Variants in GLUL observed in about 807,000 individuals in gnomAD.
GLUL encodes the protein glutamine synthetase.
In GLUL, 8 loss-of-function variants were observed where a neutral mutation model predicts 36.9. The ratio of observed to expected loss-of-function variants is 0.22; its 90% CI spans 0.13 to 0.39. The LOEUF (loss-of-function observed/expected upper bound fraction) is 0.39. GLUL is among the 10% of genes least tolerant of loss of function. GLUL has a pLI of 1.00. For missense variants in GLUL, 315 were observed against 501.8 expected, an observed-to-expected ratio of 0.63 and a Z score of 3.56; for synonymous variants, 182 against 172.8, an observed-to-expected ratio of 1.05 and a Z score of -0.42.
rs1330641052 is a variant in GLUL at position 182,383,882 on chromosome 1, T to A, written c.*523A>T. ...GGCATTTAGTCCCAAGCCAGGCTAG[T>A]CCCACAAGCAAGAGACCAAAGCCAT... On this transcript the variant is annotated 3_prime_UTR_variant, in exon 7 of 7. Coordinates refer to ENST00000331872, the MANE Select transcript of GLUL (RefSeq NM_001033044.4). 7 of 176,406 alleles carry A rather than the reference T, an allele frequency of 4.0e-5. No individual in the cohort carries two copies. The highest frequency in any genetic ancestry group is 6.2e-5 in the Non-Finnish European group (5 of 81,066). The allele number at this position is 176,406 out of a possible 1,614,324, so 10.9% of individuals were successfully genotyped here.
In GLUL at chr1:182,380,083, G is replaced by A. The variant is rs1015528406; in HGVS notation, c.*4322C>T. Among the ~76,000 whole-genome samples, 32 of 149,558 alleles carry A rather than the reference G, an allele frequency of 2.1e-4. No individual in the cohort carries two copies. Among genetic ancestry groups the A allele is most frequent in the African/African-American group, 7.9e-4 (32 of 40,538 alleles). ...GGCTGGTCTCAAACTCCCGATCTCAGGTGATCCACCTGCCTCGGCCTCTCA... is the reference window on the plus strand; with the variant it reads ...GGCTGGTCTCAAACTCCCGATCTCAAGTGATCCACCTGCCTCGGCCTCTCA... On this transcript the variant is annotated 3_prime_UTR_variant, in exon 7 of 7. Transcript: ENST00000331872.
rs776409797 is a variant in GLUL at position 182,385,560 on chromosome 1, G to C, written c.604-4C>G. ...AAGGTCCAATCTGAAATTCCCACTA[G>C]AAACGAGAAGCTTGGCCATTAAAAC... On this transcript the variant is annotated splice_polypyrimidine_tract_variant and splice_region_variant and intron_variant, in intron 5 of 6. Transcript: ENST00000331872. 1.2e-6 allele frequency: 2 copies of C among 1,613,420 alleles called. No individual in the cohort carries two copies. The highest frequency in any genetic ancestry group is 2.7e-5 in the African/African-American group (2 of 74,910).
intron 6 of GLUL, 67 bp from the exon 7 acceptor site, chr1:182,384,790 C>T: frequency 8.9e-7 from 1 of 1,126,940 alleles, no homozygotes; most frequent in Non-Finnish European, 1.4e-6. Flanking sequence ...ATGAAGTGCA[C>T]CAAAATATGA....
intron 1 of GLUL, chr1:182,390,945 C>G: frequency 5.0e-6 from 2 of 398,254 alleles, no homozygotes; most frequent in Non-Finnish European, 8.8e-6. Flanking sequence ...CCCCTCGGGC[C>G]CCCGTCCGAA....
At position 182,383,298 on chromosome 1, in the gene GLUL, T is replaced by G. The variant is rs1650017604; in HGVS notation, c.*1107A>C. 6.6e-6 allele frequency: 1 copy of G among 152,212 alleles called. No individual in the cohort carries two copies. The highest frequency in any genetic ancestry group is 2.4e-5 in the African/African-American group (1 of 41,446). The allele number at this position is 152,212 out of a possible 1,614,324, so 9.4% of individuals were successfully genotyped here. Reference sequence around the variant, plus strand: ...AAAATCTAAACTTCTATAATTTTGCTTTTTAAAAAATTTAATATCAAAAGG... The same window carrying G: ...AAAATCTAAACTTCTATAATTTTGCGTTTTAAAAAATTTAATATCAAAAGG... On this transcript the variant is annotated 3_prime_UTR_variant, in exon 7 of 7. Coordinates refer to ENST00000331872, the MANE Select transcript of GLUL (RefSeq NM_001033044.4).
chr1:182,389,672 T>C (rs1166097589), intron 1 of GLUL: 1 of 152,158 alleles, frequency 6.6e-6, no homozygotes, highest in Non-Finnish European at 1.5e-5. Context: ...AGAGAAACTC[T>C]CAAGCCACAA....
intron 6 of GLUL, 98 bp downstream of exon 6, chr1:182,385,259 G>T: frequency 1.1e-6 from 1 of 934,938 alleles, no homozygotes; most frequent in South Asian, 1.3e-5. Context: ...ATATTTGCAA[G>T]TCATCCTGCA....
At chr1:182,386,151 T>C (rs894699296) in intron 4 of GLUL, 105 bp downstream of exon 4, 3 of 1,165,088 alleles carry the variant, frequency 2.6e-6, no homozygotes, top group East Asian at 4.7e-5. Flanking sequence ...CTTTACTGTA[T>C]TATTTTGCTT....
intron 5 of GLUL, 67 bp from the exon 6 acceptor site, chr1:182,385,623 C>T: frequency 1.3e-6 from 2 of 1,559,812 alleles, no homozygotes; most frequent in South Asian, 2.2e-5. Flanking sequence ...ATCTCCTAAA[C>T]CTGTTCTCTT....
rs752734418 is a variant in GLUL at position 182,384,585 on chromosome 1, A to C, written c.942T>G (p.Ala314=). The C allele has an allele frequency of 5.6e-6, 9 of 1,614,088 alleles. No individual in the cohort carries two copies. The African/African-American group carries it at 1.1e-4, about 19-fold the overall frequency. Residue 314 remains alanine, a synonymous_variant, in exon 7 of 7, where the codon GCT becomes GCG. Coordinates refer to ENST00000331872, the MANE Select transcript of GLUL (RefSeq NM_001033044.4). ...HETSNINDFS[A]GVANRSASIR... is the part of the protein sequence containing the mutation. ...TGCTGGCGCTACGATTGGCTACACC[A>C]GCAGAAAAGTCGTTGATGTTGGAGG...
Position 182,384,227 on chromosome 1 carries a change from A to C in GLUL, c.*178T>G. The C allele has an allele frequency of 1.6e-6, 1 of 636,926 alleles. No homozygotes were observed. 39.5% of individuals were successfully genotyped at this position (636,926 alleles called of 1,614,324 possible). On this transcript the variant is annotated 3_prime_UTR_variant, in exon 7 of 7. Coordinates refer to ENST00000331872, the MANE Select transcript of GLUL (RefSeq NM_001033044.4). ...GGAGGGTAGGTGTGAAGAAATTAAT[A>C]ACTTGACCCCTCTATCCCAGCCAAA...
At position 182,382,367 on chromosome 1, in the gene GLUL, T is replaced by C. The variant is rs1649968252; in HGVS notation, c.*2038A>G. 1 of 152,182 alleles carries C rather than the reference T, an allele frequency of 6.6e-6. No individual in the cohort carries two copies. The allele number at this position is 152,182 out of a possible 1,614,324, so 9.4% of individuals were successfully genotyped here. The stretch of plus-strand genomic sequence containing the variant: ...GGCACAGGTGACAACACAGAGCTTT[T>C]GAGAATCACAATCGGTCCACTGGTC... On this transcript the variant is annotated 3_prime_UTR_variant, in exon 7 of 7. Coordinates refer to ENST00000331872, the MANE Select transcript of GLUL (RefSeq NM_001033044.4).
chr1:182,385,306 CAA>C (rs1337173812), intron 6 of GLUL, 49 bp downstream of exon 6: 1 of 1,388,044 alleles, frequency 7.2e-7, no homozygotes, highest in Non-Finnish European at 1.0e-6. Flanking sequence ...AGTCTCCTCC[CAA>C]GTTTTCTGCC....
chr1:182,385,947 G>C (rs1650161392), intron 4 of GLUL, 60 bp from the exon 5 acceptor site: 1 of 1,530,346 alleles, frequency 6.5e-7, no homozygotes, highest in East Asian at 2.3e-5. Context: ...CCCAAAGTCA[G>C]AGATCAGAAG....
Position 182,380,417 on chromosome 1 carries a change from C to T in GLUL, c.*3988G>A, listed in dbSNP as rs1248316888. Among the ~76,000 whole-genome samples, 1 of 152,144 alleles carries T rather than the reference C, an allele frequency of 6.6e-6. No individual in the cohort carries two copies. The highest frequency in any genetic ancestry group is 1.5e-5 in the Non-Finnish European group (1 of 68,026). ...CAATTTCCTGGGCTCAAGTCATCCT[C>T]CCATCTCAGCCTCCTGATAGCTGAG... On this transcript the variant is annotated 3_prime_UTR_variant, in exon 7 of 7. Coordinates refer to ENST00000331872, the MANE Select transcript of GLUL (RefSeq NM_001033044.4).
In GLUL at chr1:182,384,327, G is replaced by A. The variant is rs1027139909; in HGVS notation, c.*78C>T. 3 of 980,846 alleles carry A rather than the reference G, an allele frequency of 3.1e-6. No individual in the cohort carries two copies. The highest frequency in any genetic ancestry group is 1.9e-5 in the Admixed American group (1 of 52,624). 60.8% of individuals were successfully genotyped at this position (980,846 alleles called of 1,614,324 possible). On this transcript the variant is annotated 3_prime_UTR_variant, in exon 7 of 7. Coordinates refer to ENST00000331872, the MANE Select transcript of GLUL (RefSeq NM_001033044.4). ...ATATTCCACCCTTTGAGTTACAATC[G>A]GGACAACTGGGAGAGGGGGAAGAGT...
At chr1:182,386,798 A>G in intron 3 of GLUL, 2 of 459,882 alleles carry the variant, frequency 4.3e-6, no homozygotes, top group Non-Finnish European at 8.0e-6. Flanking sequence ...ACTTGGAGCC[A>G]TTCTATAATT....
intron 4 of GLUL, 135 bp downstream of exon 4, chr1:182,386,121 T>C (rs773124126): frequency 3.1e-6 from 3 of 963,066 alleles, no homozygotes; most frequent in Non-Finnish European, 5.1e-6. Context: ...TGGACTTTGG[T>C]GATGTGAGGG....
chr1:182,387,703 T>TTA (rs1489897325), intron 2 of GLUL, among the ~76,000 whole-genome samples: 6 of 152,196 alleles, frequency 3.9e-5, no homozygotes, highest in Non-Finnish European at 5.9e-5. Context: ...TGTCCTTATT[T>TTA]TATAGATGAG....
Sources: allele counts gnomAD v4.1 joint callset (sites outside exome capture counted in the v4.1 genomes callset), GRCh38; gene constraint gnomAD v4.1.1; transcripts MANE v1.5; gene names NCBI Gene and HGNC (gene_info 2026-07-23, HGNC 2026-07-21).